The following KDM4C variants were observed in gnomAD, a reference collection of about 807,000 sequenced individuals.
The protein encoded by KDM4C is lysine demethylase 4C, also known as lysine-specific demethylase 4C.
KDM4C carries 81 observed loss-of-function variants against 129.3 expected under a neutral mutation model. That is an observed-to-expected ratio of 0.63 (90% CI 0.52 to 0.75). KDM4C has a LOEUF of 0.75. Among genes scored for constraint, KDM4C ranks in the 30% least tolerant of loss-of-function variants. KDM4C has a pLI of 0.00. For missense variants in KDM4C, 1,457 were observed against 1,304.0 expected (o/e 1.12, Z -1.81); for synonymous variants, 573 against 456.1 (o/e 1.26, Z -3.26).
intron 8 of KDM4C, among the ~76,000 whole-genome samples, chr9:6,934,209 C>G (rs1347158256): frequency 1.3e-5 from 2 of 151,710 alleles, no homozygotes; most frequent in Non-Finnish European, 2.9e-5. Flanking sequence ...GGGCTGGGCG[C>G]GGGGTCTCAC....
intron 8 of KDM4C, among the ~76,000 whole-genome samples, chr9:6,931,613 A>T (rs1823753787): frequency 6.6e-6 from 1 of 151,960 alleles, no homozygotes; most frequent in African/African-American, 2.4e-5. Context: ...CAGTCCTTCC[A>T]CCTCAGCCTC....
chr9:7,068,515 G>A (rs930225804), intron 17 of KDM4C, among the ~76,000 whole-genome samples: 3 of 152,112 alleles, frequency 2.0e-5, no homozygotes, highest in African/African-American at 4.8e-5. Flanking sequence ...GGGTTCACCT[G>A]TCAACTCTGC....
At chr9:6,724,765 G>A (rs544364298) in intron 1 of KDM4C, among the ~76,000 whole-genome samples, 1 of 152,220 alleles carries the variant, frequency 6.6e-6, no homozygotes, top group South Asian at 2.1e-4. Context: ...TCTTGACCTC[G>A]TGATCTGCCC....
intron 8 of KDM4C, among the ~76,000 whole-genome samples, chr9:6,956,302 C>T (rs1159331937): frequency 2.0e-5 from 3 of 152,274 alleles, no homozygotes; most frequent in Admixed American, 2.0e-4. Flanking sequence ...ATGGATACTC[C>T]ATTCCCCATG....
chr9:7,110,861 A>T (rs979607883), intron 18 of KDM4C, among the ~76,000 whole-genome samples: 2 of 152,198 alleles, frequency 1.3e-5, no homozygotes, highest in African/African-American at 2.4e-5. Context: ...ACTGATAACT[A>T]ATATGGCAAC....
intron 17 of KDM4C, among the ~76,000 whole-genome samples, chr9:7,060,972 G>C (rs1360569801): frequency 6.6e-6 from 1 of 152,136 alleles, no homozygotes; most frequent in African/African-American, 2.4e-5. Context: ...AACCATCTTT[G>C]TCTGTCTGTA....
intron 8 of KDM4C, among the ~76,000 whole-genome samples, chr9:6,924,046 G>A (rs1396805555): frequency 1.3e-5 from 2 of 152,150 alleles, no homozygotes; most frequent in Non-Finnish European, 2.9e-5. Flanking sequence ...TGCCTTAGGC[G>A]AGACAATGTT....
At chr9:6,756,381 A>T (rs1398801537), upstream of KDM4C, among the ~76,000 whole-genome samples, 1 of 152,218 alleles carries the variant, frequency 6.6e-6, no homozygotes, top group Non-Finnish European at 1.5e-5. Flanking sequence ...TTACATGCAC[A>T]CATTTGGAAA....
chr9:7,001,840 G>A (rs1017804056), intron 12 of KDM4C, among the ~76,000 whole-genome samples: 6 of 151,550 alleles, frequency 4.0e-5, no homozygotes, highest in African/African-American at 1.5e-4. Flanking sequence ...ACTTTGTATT[G>A]TATATGCTGT....
chr9:7,078,145 G>T (rs543661670), intron 17 of KDM4C, among the ~76,000 whole-genome samples: 2 of 152,176 alleles, frequency 1.3e-5, no homozygotes, highest in Non-Finnish European at 2.9e-5. Flanking sequence ...ATGCCATATT[G>T]TCGTTGTCTC....
At chr9:7,032,753 T>G (rs1285542226) in intron 15 of KDM4C, among the ~76,000 whole-genome samples, 1 of 152,144 alleles carries the variant, frequency 6.6e-6, no homozygotes, top group Non-Finnish European at 1.5e-5. Flanking sequence ...CAGCTTTTGT[T>G]TTTGGAGGGG....
intron 1 of KDM4C, among the ~76,000 whole-genome samples, chr9:6,774,594 G>A (rs755705492): frequency 2.6e-5 from 4 of 152,170 alleles, no homozygotes; most frequent in Non-Finnish European, 5.9e-5. Context: ...GAACCTGGGA[G>A]GTGGAGATTG....
In KDM4C at chr9:6,996,819, T is replaced by C. The variant is rs189530696; in HGVS notation, c.1786+6295T>C. 1.5e-4 allele frequency among the ~76,000 whole-genome samples: 23 copies of C among 152,370 alleles called. No homozygotes were observed. The East Asian group carries it at 3.3e-3, about 22-fold the overall frequency. ...GTGATTTTAGTTTTCTTTTTTATGC[T>C]GATAATTTTTCATATTTTCTGTGAC... is the stretch of plus-strand genomic sequence containing the variant. On this transcript the variant is annotated intron_variant, in intron 12 of 21. Coordinates refer to ENST00000381309, the MANE Select transcript of KDM4C (RefSeq NM_015061.6).
At chr9:7,047,434 G>C (rs573084463) in intron 16 of KDM4C, among the ~76,000 whole-genome samples, 2 of 152,062 alleles carry the variant, frequency 1.3e-5, no homozygotes, top group African/African-American at 4.8e-5. Flanking sequence ...ATCAGGTGGA[G>C]AATATGAAGA....
chr9:6,923,406 G>A (rs1821910317), intron 8 of KDM4C, among the ~76,000 whole-genome samples: 1 of 151,628 alleles, frequency 6.6e-6, no homozygotes, highest in Admixed American at 6.6e-5. Context: ...CTTTTTTTCT[G>A]AGTGGCTATC....
At chr9:6,989,439 C>A (rs1257496257) in intron 11 of KDM4C, among the ~76,000 whole-genome samples, 1 of 152,024 alleles carries the variant, frequency 6.6e-6, no homozygotes, top group Non-Finnish European at 1.5e-5. Context: ...AAAGGTGGGT[C>A]CTAGCTGGAA....
At chr9:6,951,242 A>C (rs1828088738) in intron 8 of KDM4C, among the ~76,000 whole-genome samples, 1 of 152,198 alleles carries the variant, frequency 6.6e-6, no homozygotes, top group African/African-American at 2.4e-5. Context: ...TAGTCATCCT[A>C]CAGTGGTATG....
intron 1 of KDM4C, among the ~76,000 whole-genome samples, chr9:6,771,000 T>G (rs562213061): frequency 6.7e-6 from 1 of 149,860 alleles, no homozygotes; most frequent in Admixed American, 6.7e-5. Flanking sequence ...GGTCTCAAAC[T>G]CCTGACCTCG....
chr9:7,032,179 C>G (rs1341716295), intron 15 of KDM4C, among the ~76,000 whole-genome samples: 1 of 152,200 alleles, frequency 6.6e-6, no homozygotes, highest in Non-Finnish European at 1.5e-5. Flanking sequence ...GAAGCTGAGT[C>G]CAATAAATTG....
Sources: gnomAD v4.1 joint callset for allele counts (sites outside exome capture counted in the v4.1 genomes callset) on GRCh38, gnomAD v4.1.1 for gene constraint, MANE v1.5 for transcripts, NCBI Gene and HGNC (gene_info 2026-07-23, HGNC 2026-07-21) for gene names.